Variants in PTPRD observed in about 807,000 individuals in gnomAD.
PTPRD encodes protein tyrosine phosphatase receptor type D.
PTPRD carries 34 observed loss-of-function variants against 214.5 expected under a neutral mutation model. That is an observed-to-expected ratio of 0.16 (90% CI 0.12 to 0.21). The LOEUF (loss-of-function observed/expected upper bound fraction) is 0.21, where lower values mean the gene tolerates loss of function less well. Ranked by LOEUF, PTPRD falls within the 10% of genes least tolerant of loss-of-function variation. The pLI is 1.00. For synonymous variants in PTPRD, 1,128 were observed against 845.7 expected (o/e 1.33, Z -5.79); for missense variants, 2,545 against 2,398.7 (o/e 1.06, Z -1.27).
intron 8 of PTPRD, among the ~76,000 whole-genome samples, chr9:9,475,765 C>T (rs926617396): frequency 3.3e-5 from 5 of 152,182 alleles, no homozygotes; most frequent in African/African-American, 1.2e-4. Flanking sequence ...TAACATTCCA[C>T]AGAGATTTGA....
intron 11 of PTPRD, among the ~76,000 whole-genome samples, chr9:8,735,910 C>CAAAA (rs34573821): frequency 4.6e-5 from 6 of 130,962 alleles, no homozygotes; most frequent in African/African-American, 8.4e-5. Context: ...GACTTCGTCT[C>CAAAA]AAAAAAAAAA....
chr9:8,547,835 G>A (rs1035494442), intron 14 of PTPRD, among the ~76,000 whole-genome samples: 5 of 152,122 alleles, frequency 3.3e-5, no homozygotes, highest in Non-Finnish European at 7.4e-5. Flanking sequence ...ATTACTTGCA[G>A]AAAATTATAA....
chr9:9,399,069 T>C (rs2069091208), intron 8 of PTPRD, among the ~76,000 whole-genome samples: 1 of 140,172 alleles, frequency 7.1e-6, no homozygotes, highest in South Asian at 2.3e-4. Flanking sequence ...GTGTAGTTAC[T>C]CGTATTAAGG....
chr9:8,557,342 C>A (rs934935858), intron 14 of PTPRD, among the ~76,000 whole-genome samples: 1 of 151,708 alleles, frequency 6.6e-6, no homozygotes, highest in East Asian at 1.9e-4. Context: ...ATGTCATGCT[C>A]TGTTATTGGA....
At chr9:10,578,812 G>A (rs1260764233) in intron 2 of PTPRD, among the ~76,000 whole-genome samples, 1 of 152,116 alleles carries the variant, frequency 6.6e-6, no homozygotes, top group Non-Finnish European at 1.5e-5. Flanking sequence ...GAGGTTTGGG[G>A]TACAAACAAT....
intron 11 of PTPRD, among the ~76,000 whole-genome samples, chr9:8,859,637 G>A (rs1204997905): frequency 6.6e-6 from 1 of 152,136 alleles, no homozygotes; most frequent in Non-Finnish European, 1.5e-5. Context: ...GATCCAGCAT[G>A]CTGACTGCTG....
chr9:10,126,419 TTA>T (rs202005882), intron 3 of PTPRD, among the ~76,000 whole-genome samples: 54,897 of 135,386 alleles, frequency 0.41, 11,141 homozygotes, highest in Middle Eastern at 0.55. Flanking sequence ...TAATACTGTT[TTA>T]TATATACACA....
intron 3 of PTPRD, among the ~76,000 whole-genome samples, chr9:10,058,661 T>G (rs904149309): frequency 2.6e-5 from 4 of 152,108 alleles, no homozygotes; most frequent in African/African-American, 9.7e-5. Context: ...TTATGGGAAT[T>G]TAAAACATTT....
chr9:10,319,622 T>G (rs1355143035), intron 3 of PTPRD, among the ~76,000 whole-genome samples: 6 of 152,060 alleles, frequency 3.9e-5, no homozygotes, highest in African/African-American at 1.4e-4. Flanking sequence ...CACATTTTTT[T>G]AAATAACGGA....
intron 3 of PTPRD, among the ~76,000 whole-genome samples, chr9:10,282,220 GA>G (rs761001347): frequency 8.5e-5 from 13 of 152,238 alleles, no homozygotes; most frequent in Non-Finnish European, 1.6e-4. Flanking sequence ...TCTAAAATGG[GA>G]ATGATAACAA....
At chr9:10,289,022 A>G (rs1309425982) in intron 3 of PTPRD, among the ~76,000 whole-genome samples, 2 of 114,878 alleles carry the variant, frequency 1.7e-5, no homozygotes, top group Non-Finnish European at 3.5e-5. Context: ...TAAGATGGAG[A>G]GTTTTTTTTT....
intron 11 of PTPRD, among the ~76,000 whole-genome samples, chr9:8,748,532 A>G (rs957446037): frequency 3.5e-4 from 47 of 133,730 alleles, no homozygotes; most frequent in Non-Finnish European, 6.8e-4. Flanking sequence ...CAAAAAAAAA[A>G]AAAAAAAAGA....
At chr9:9,249,062 C>A (rs1158958625) in intron 9 of PTPRD, among the ~76,000 whole-genome samples, 1 of 151,998 alleles carries the variant, frequency 6.6e-6, no homozygotes, top group African/African-American at 2.4e-5. Context: ...GAAGTGGGGC[C>A]CAGTGGGAGG....
At chr9:9,640,757 C>A (rs1194461792) in intron 7 of PTPRD, among the ~76,000 whole-genome samples, 1 of 152,130 alleles carries the variant, frequency 6.6e-6, no homozygotes, top group East Asian at 1.9e-4. Flanking sequence ...CCCCAGGAAG[C>A]AATAAATCAA....
intron 8 of PTPRD, among the ~76,000 whole-genome samples, chr9:9,562,613 T>G (rs1400880122): frequency 1.3e-5 from 2 of 152,178 alleles, no homozygotes; most frequent in Non-Finnish European, 2.9e-5. Flanking sequence ...TTGCTATTTT[T>G]CAAGCCTCCT....
chr9:9,753,441 A>G (rs1008644524), intron 6 of PTPRD, among the ~76,000 whole-genome samples: 1 of 152,082 alleles, frequency 6.6e-6, no homozygotes, highest in African/African-American at 2.4e-5. Context: ...GGTTGCAAAA[A>G]TACCCTTCAG....
rs571004520 is a variant in PTPRD, at chr9:8,331,003, A to G, written c.5534+579T>C. The stretch of plus-strand genomic sequence containing the variant: ...TGAATGTCTGAACTATTTACTTGCT[A>G]TTTATTTCTATTAACTTCAATGACT... On this transcript the variant is annotated intron_variant, in intron 44 of 45. Coordinates refer to ENST00000381196, the MANE Select transcript of PTPRD (RefSeq NM_002839.4). Among the ~76,000 whole-genome samples, 8 of 151,588 alleles carry G rather than the reference A, an allele frequency of 5.3e-5. No individual in the cohort carries two copies. The South Asian group carries it at 1.7e-3, about 31-fold the overall frequency.
At chr9:10,571,929 G>T (rs959022811) in intron 2 of PTPRD, among the ~76,000 whole-genome samples, 10 of 152,166 alleles carry the variant, frequency 6.6e-5, no homozygotes, top group African/African-American at 2.2e-4. Context: ...CTGCTGAGAG[G>T]CCCCATTCCT....
intron 11 of PTPRD, among the ~76,000 whole-genome samples, chr9:8,749,466 G>A (rs2093291259): frequency 6.6e-6 from 1 of 152,186 alleles, no homozygotes; most frequent in East Asian, 1.9e-4. Flanking sequence ...GGGATTACAG[G>A]CGTGAGCCAC....
Sources: allele counts gnomAD v4.1 joint callset (sites outside exome capture counted in the v4.1 genomes callset), GRCh38; gene constraint gnomAD v4.1.1; transcripts MANE v1.5; gene names NCBI Gene and HGNC (gene_info 2026-07-23, HGNC 2026-07-21).